ABCA13: variants seen among roughly 807,000 people sequenced by gnomAD.
ABCA13 encodes the protein ATP-binding cassette sub-family A member 13.
A neutral mutation model predicts 478.7 loss-of-function variants in ABCA13; 476 were observed. The observed-to-expected ratio is 0.99, with a 90% confidence interval of 0.92 to 1.07. The LOEUF (loss-of-function observed/expected upper bound fraction) is 1.07. Ranked by LOEUF, ABCA13 falls within the 50% of genes least tolerant of loss-of-function variation. The pLI, the probability that ABCA13 is intolerant of heterozygous loss-of-function variation, is 0.00. For synonymous variants in ABCA13, 2,252 were observed against 2,158.9 expected (o/e 1.04, Z -1.20); for missense variants, 6,060 against 5,910.6 (o/e 1.03, Z -0.83).
At chr7:48,534,442 C>G (rs1833436635) in intron 55 of ABCA13, among the ~76,000 whole-genome samples, 1 of 152,076 alleles carries the variant, frequency 6.6e-6, no homozygotes, top group South Asian at 2.1e-4. Flanking sequence ...AACCTGATAA[C>G]TATGTGCTTA....
chr7:48,274,342 A>G lies in ABCA13; in HGVS notation c.4676A>G (p.Lys1559Arg). The change falls in exon 17 of 62, where the codon AAA becomes AGA. Residue 1559 changes from lysine to arginine, a missense_variant. Lys to Arg is a conservative substitution (Grantham distance 26). Coordinates refer to ENST00000435803, the MANE Select transcript of ABCA13 (RefSeq NM_152701.5). The part of the protein sequence containing the change: ...TLGKEFQKLV[K>R]GIYFNILENN... ...GGGAAGGAATTTCAGAAGCTTGTAA[A>G]AGGTATTTACTTTAACATCCTGGAA... 6.2e-7 allele frequency: 1 copy of G among 1,613,458 alleles called. No homozygotes were observed. Among genetic ancestry groups the G allele is most frequent in the South Asian group, 1.1e-5 (1 of 91,002 alleles).
rs367899956 is a variant in ABCA13, at chr7:48,273,625, T to G, written c.3959T>G (p.Phe1320Cys). The change falls in exon 17 of 62, where the codon TTT becomes TGT. Residue 1320 changes from phenylalanine to cysteine, a missense_variant. Transcript: ENST00000435803. Reference sequence around the variant, plus strand: ...AATCTCACAAATTATGGAGAAAAATTTGAAAATATCATCACTGAGCTAAGA... The same window carrying G: ...AATCTCACAAATTATGGAGAAAAATGTGAAAATATCATCACTGAGCTAAGA... ...SNNLTNYGEK[F>C]ENIITELREA... is the part of the protein sequence containing the mutation. The G allele has an allele frequency of 6.2e-7, 1 of 1,602,854 alleles. No homozygotes were observed. The highest frequency in any genetic ancestry group is 8.5e-7 in the Non-Finnish European group (1 of 1,173,848).
rs1259160965 is a variant in ABCA13 at position 48,245,452 on chromosome 7, T to C, written c.1391-60T>C. ...GATCCAGTTTATTGATTCATGGCCA[T>C]GTATAAAAGTCAAGCTTACTTACCT... On this transcript the variant is annotated intron_variant, in intron 11 of 61. Transcript: ENST00000435803. The C allele has an allele frequency of 1.1e-5, 14 of 1,290,626 alleles. No homozygotes were observed. In the Admixed American group the frequency reaches 2.4e-4, roughly 22 times the overall value. 79.9% of individuals were successfully genotyped at this position (1,290,626 alleles called of 1,614,324 possible).
At chr7:48,437,499 A>G (rs1174326703) in intron 42 of ABCA13, among the ~76,000 whole-genome samples, 1 of 151,904 alleles carries the variant, frequency 6.6e-6, no homozygotes, top group Non-Finnish European at 1.5e-5. Context: ...TTTATATATT[A>G]TTTATATATT....
intron 59 of ABCA13, among the ~76,000 whole-genome samples, chr7:48,631,155 A>T (rs995390514): frequency 1.3e-5 from 2 of 151,824 alleles, no homozygotes; most frequent in African/African-American, 4.8e-5. Flanking sequence ...AAAGCCCTTC[A>T]GTTTACTTAG....
intron 59 of ABCA13, among the ~76,000 whole-genome samples, chr7:48,634,010 C>T (rs1211185115): frequency 1.3e-5 from 2 of 151,584 alleles, no homozygotes; most frequent in Non-Finnish European, 2.9e-5. Context: ...AAATAAAAAT[C>T]AATACCAAGA....
chr7:48,593,031 T>TCAAAAACA (rs1324352966), intron 57 of ABCA13, among the ~76,000 whole-genome samples: 1 of 152,090 alleles, frequency 6.6e-6, no homozygotes, highest in South Asian at 2.1e-4. Context: ...ATTCACTTTA[T>TCAAAAACA]GCCTTTTGAT....
chr7:48,495,638 C>T (rs1041917617), intron 48 of ABCA13, among the ~76,000 whole-genome samples: 9 of 152,242 alleles, frequency 5.9e-5, no homozygotes, highest in Middle Eastern at 3.4e-3. Flanking sequence ...TGACACATTT[C>T]GTTTGCTGAG....
At chr7:48,330,963 C>G (rs1308657265) in intron 27 of ABCA13, among the ~76,000 whole-genome samples, 2 of 152,236 alleles carry the variant, frequency 1.3e-5, no homozygotes, top group East Asian at 3.9e-4. Context: ...TTTCTTTTAT[C>G]TACTCTGAAT....
At chr7:48,627,187 T>A in intron 59 of ABCA13, 1 of 476,056 alleles carries the variant, frequency 2.1e-6, no homozygotes, top group Non-Finnish European at 2.7e-6. Context: ...CTAAAGAATT[T>A]AAGCAGTTGG....
rs987197185 is a variant in ABCA13 at position 48,343,682 on chromosome 7, G to A, written c.10204+5227G>A. 6.5e-4 allele frequency among the ~76,000 whole-genome samples: 98 copies of A among 151,788 alleles called. 1 individual carries two copies. Among genetic ancestry groups the A allele is most frequent in the Admixed American group, 3.9e-4 (6 of 15,248 alleles). On this transcript the variant is annotated intron_variant, in intron 29 of 61. Transcript: ENST00000435803. ...TAGTGGTGCTTTCTGAGATTTTAGC[G>A]CAGCCATCACCTGAGCAGTATACAC...
At position 48,279,761 on chromosome 7, in the gene ABCA13, C is replaced by T. The variant is rs1473316207; in HGVS notation, c.8567C>T (p.Thr2856Ile). 4 of 1,611,572 alleles carry T rather than the reference C, an allele frequency of 2.5e-6. No homozygotes were observed. In the African/African-American group the frequency reaches 5.4e-5, roughly 22 times the overall value. ...CTTTTTGAGATTTTCATTAAAGCAACCACCGGAAAGAATGTCACATCAGAA... is the reference window on the plus strand; with the variant it reads ...CTTTTTGAGATTTTCATTAAAGCAATCACCGGAAAGAATGTCACATCAGAA... ...QPLFEIFIKA[T>I]TGKNVTSEKE... Residue 2856 changes from threonine to isoleucine, a missense_variant, in exon 18 of 62, where the codon ACC (threonine) becomes ATC (isoleucine). Physicochemically the swap from Thr to Ile is moderately conservative, Grantham distance 89 (BLOSUM62 -1). Transcript: ENST00000435803.
intron 31 of ABCA13, among the ~76,000 whole-genome samples, chr7:48,367,218 C>T (rs1811816380): frequency 6.6e-6 from 1 of 152,104 alleles, no homozygotes; most frequent in African/African-American, 2.4e-5. Context: ...TCCAACATGT[C>T]TGAGAACTCA....
chr7:48,260,830 C>T (rs1794069225), intron 15 of ABCA13, among the ~76,000 whole-genome samples: 2 of 151,912 alleles, frequency 1.3e-5, no homozygotes, highest in African/African-American at 4.8e-5. Flanking sequence ...ACTTATATCC[C>T]TGAAGAGTCC....
intron 6 of ABCA13, 33 bp downstream of exon 6, chr7:48,227,458 A>C (rs1204674790): frequency 1.2e-6 from 2 of 1,602,708 alleles, no homozygotes; most frequent in South Asian, 1.1e-5. Flanking sequence ...ACTAAGTATC[A>C]ATATGTTGTT....
At chr7:48,364,926 G>A (rs1308112663) in intron 31 of ABCA13, among the ~76,000 whole-genome samples, 1 of 152,050 alleles carries the variant, frequency 6.6e-6, no homozygotes, top group Admixed American at 6.6e-5. Flanking sequence ...TATACACTCT[G>A]CATTGGAATT....
intron 41 of ABCA13, among the ~76,000 whole-genome samples, chr7:48,417,887 G>A (rs989218113): frequency 1.2e-4 from 18 of 152,186 alleles, no homozygotes; most frequent in Non-Finnish European, 1.8e-4. Flanking sequence ...TACTGTCATC[G>A]TAGTTTTACC....
At chr7:48,477,648 C>A (rs71547889) in intron 45 of ABCA13, among the ~76,000 whole-genome samples, 8,802 of 149,310 alleles carry the variant, frequency 0.059, 304 homozygotes, top group South Asian at 0.12. Context: ...GGACAAAAAA[C>A]CAAACACTGC....
intron 29 of ABCA13, 83 bp downstream of exon 29, chr7:48,338,538 C>T (rs1379421856): frequency 1.0e-6 from 1 of 993,250 alleles, no homozygotes; most frequent in Non-Finnish European, 1.4e-6. Context: ...TGGGCCATGG[C>T]ATTGCTAGGT....
Sources: gnomAD v4.1 joint callset for allele counts (sites outside exome capture counted in the v4.1 genomes callset) on GRCh38, gnomAD v4.1.1 for gene constraint, MANE v1.5 for transcripts, NCBI Gene and HGNC (gene_info 2026-07-23, HGNC 2026-07-21) for gene names.